Variants in SGCZ observed in about 807,000 individuals in gnomAD.
SGCZ encodes sarcoglycan zeta.
A neutral mutation model predicts 41.3 loss-of-function variants in SGCZ; 40 were observed. The observed-to-expected ratio is 0.97, with a 90% CI of 0.75 to 1.26. SGCZ has a LOEUF of 1.26. Ranked by LOEUF, SGCZ falls within the 50% of genes most tolerant of loss-of-function variation. SGCZ has a pLI of 0.00. For synonymous variants in SGCZ, 206 were observed against 137.5 expected (o/e 1.50, Z -3.49); for missense variants, 552 against 369.8 (o/e 1.49, Z -4.04).
rs181991137 is a variant in SGCZ at position 15,236,690 on chromosome 8, T to C, written c.39+895A>G. ...ATATAAATATATATATTTTTTTTTC[T>C]TGAAGGGAAGCAGGCAGAGGTGCCC... On this transcript the variant is annotated intron_variant, in intron 1 of 7. Transcript: ENST00000382080. 3.2e-3 allele frequency among the ~76,000 whole-genome samples: 492 copies of C among 152,268 alleles called. 1 individual carries two copies. Among genetic ancestry groups the C allele is most frequent in the African/African-American group, 0.011 (467 of 41,546 alleles).
At chr8:15,191,447 G>A (rs568899383) in intron 1 of SGCZ, among the ~76,000 whole-genome samples, 7 of 152,122 alleles carry the variant, frequency 4.6e-5, no homozygotes, top group Non-Finnish European at 8.8e-5. Flanking sequence ...ACTTAGGAAT[G>A]TTAAATAGTA....
chr8:14,547,483 T>C (rs904579848), intron 2 of SGCZ, among the ~76,000 whole-genome samples: 4 of 152,174 alleles, frequency 2.6e-5, no homozygotes, highest in African/African-American at 9.7e-5. Context: ...TATGCCTTCA[T>C]CAAGGACATA....
intron 5 of SGCZ, 53 bp downstream of exon 5, chr8:14,164,527 T>G (rs1418062394): frequency 6.2e-7 from 1 of 1,605,796 alleles, no homozygotes; most frequent in Non-Finnish European, 8.5e-7. Flanking sequence ...CCTTGTGCAG[T>G]TGTATATTCT....
intron 1 of SGCZ, among the ~76,000 whole-genome samples, chr8:14,928,246 G>C (rs116553497): frequency 1.3e-5 from 2 of 152,112 alleles, no homozygotes; most frequent in East Asian, 3.9e-4. Flanking sequence ...ATTTCAATCA[G>C]AATGTTGGCA....
At chr8:14,202,503 A>T (rs746951226) in intron 4 of SGCZ, among the ~76,000 whole-genome samples, 1 of 152,130 alleles carries the variant, frequency 6.6e-6, no homozygotes, top group Non-Finnish European at 1.5e-5. Flanking sequence ...AGGGAAAAAA[A>T]AATGAGAAAA....
chr8:14,646,310 T>G (rs140927027), intron 1 of SGCZ, among the ~76,000 whole-genome samples: 1 of 152,136 alleles, frequency 6.6e-6, no homozygotes, highest in East Asian at 1.9e-4. Context: ...GTATTTGGTT[T>G]TCTGTTCATG....
chr8:15,111,848 C>G (rs140810371), intron 1 of SGCZ, among the ~76,000 whole-genome samples: 11 of 150,360 alleles, frequency 7.3e-5, no homozygotes, highest in Non-Finnish European at 1.5e-4. Context: ...AGCAGTGAGC[C>G]GAGATTACAC....
intron 6 of SGCZ, among the ~76,000 whole-genome samples, chr8:14,103,122 T>C (rs1246797242): frequency 6.6e-6 from 1 of 151,950 alleles, no homozygotes. Context: ...GTGACATCAG[T>C]CTGTGAAAGA....
chr8:14,845,456 C>A (rs1192921618), intron 1 of SGCZ, among the ~76,000 whole-genome samples: 1 of 152,090 alleles, frequency 6.6e-6, no homozygotes, highest in East Asian at 1.9e-4. Context: ...CCAATATTAT[C>A]AGACACACAC....
rs62500170 is a variant in SGCZ, at chr8:14,242,615, G to C, written c.337-4936C>G. On this transcript the variant is annotated intron_variant, in intron 3 of 7. Coordinates refer to ENST00000382080, the MANE Select transcript of SGCZ (RefSeq NM_139167.4). ...AGCCTCCCTCTGTTGACGGCAATGT[G>C]TGCTTTTATGATTTATTCCTCAATT... Among the ~76,000 whole-genome samples, 1,262 of 152,232 alleles carry C rather than the reference G, an allele frequency of 8.3e-3. 45 individuals carry two copies. In the East Asian group the frequency reaches 0.087, roughly 10 times the overall value.
chr8:14,271,850 C>T (rs529497822), intron 3 of SGCZ, among the ~76,000 whole-genome samples: 1 of 152,268 alleles, frequency 6.6e-6, no homozygotes, highest in African/African-American at 2.4e-5. Flanking sequence ...AAGCCTCGAT[C>T]TCAGCTTTAC....
chr8:14,769,866 T>C (rs971539308), intron 1 of SGCZ, among the ~76,000 whole-genome samples: 2 of 79,840 alleles, frequency 2.5e-5, no homozygotes, highest in East Asian at 8.1e-4. Flanking sequence ...AAAAAAAAAA[T>C]AGAATTTATT....
chr8:14,871,508 G>A (rs1399159691), intron 1 of SGCZ, among the ~76,000 whole-genome samples: 2 of 151,728 alleles, frequency 1.3e-5, no homozygotes, highest in East Asian at 2.0e-4. Context: ...ATGATAGACT[G>A]AATAAAGAAA....
At chr8:14,982,929 G>T (rs1801716942) in intron 1 of SGCZ, among the ~76,000 whole-genome samples, 1 of 152,142 alleles carries the variant, frequency 6.6e-6, no homozygotes, top group Non-Finnish European at 1.5e-5. Flanking sequence ...TGGTTAAAAA[G>T]CAAATTCCGG....
At chr8:14,799,186 G>C in intron 1 of SGCZ, among the ~76,000 whole-genome samples, 1 of 152,050 alleles carries the variant, frequency 6.6e-6, no homozygotes, top group Middle Eastern at 3.5e-3. Context: ...ACTTTATAAA[G>C]ATATTTAGAA....
At chr8:14,441,404 G>A (rs1471975178) in intron 2 of SGCZ, among the ~76,000 whole-genome samples, 2 of 151,924 alleles carry the variant, frequency 1.3e-5, no homozygotes, top group African/African-American at 2.4e-5. Context: ...GTGAAACCCC[G>A]TCTCTACTGA....
In SGCZ at chr8:15,029,219, T is replaced by C. The variant is rs570143633; in HGVS notation, c.39+208366A>G. Among the ~76,000 whole-genome samples, 4 of 152,232 alleles carry C rather than the reference T, an allele frequency of 2.6e-5. 1 individual carries two copies. In the South Asian group the frequency reaches 8.3e-4, roughly 32 times the overall value. On this transcript the variant is annotated intron_variant, in intron 1 of 7. Transcript: ENST00000382080. ...TTTAATGTGCTTTGGTACCCTACTT[T>C]AATAATTTTGAAGATTCTGACAACC...
rs1352310612 is a variant in SGCZ at position 14,237,651 on chromosome 8, C to T, written c.365G>A (p.Arg122Lys). Reference protein sequence around the residue: ...KDSPLVLQSDRNVTVNARNHM... With the variant: ...KDSPLVLQSDKNVTVNARNHM... ...ATTTCTTGCATTCACTGTGACATTC[C>T]TGTCAGACTGTAAGACCAGCGGACT... Residue 122 changes from arginine to lysine, a missense_variant, in exon 4 of 8, where the codon AGG becomes AAG. Coordinates refer to ENST00000382080, the MANE Select transcript of SGCZ (RefSeq NM_139167.4). 2 of 1,613,828 alleles carry T rather than the reference C, an allele frequency of 1.2e-6. No homozygotes were observed. The highest frequency in any genetic ancestry group is 2.2e-5 in the East Asian group (1 of 44,892).
At chr8:14,551,328 C>A (rs556390326) in intron 2 of SGCZ, among the ~76,000 whole-genome samples, 80 of 140,740 alleles carry the variant, frequency 5.7e-4, no homozygotes, top group Admixed American at 1.9e-3. Context: ...CTAGACTAGT[C>A]TATTAACTAA....
Sources: allele counts gnomAD v4.1 joint callset (sites outside exome capture counted in the v4.1 genomes callset), GRCh38; gene constraint gnomAD v4.1.1; transcripts MANE v1.5; gene names NCBI Gene and HGNC (gene_info 2026-07-23, HGNC 2026-07-21).